Variants in ANKRD52 observed in about 807,000 individuals in gnomAD.
ANKRD52 encodes ankyrin repeat domain 52.
A neutral mutation model predicts 116.0 loss-of-function variants in ANKRD52; 7 were observed. The observed-to-expected ratio is 0.06, with a 90% CI of 0.03 to 0.11. The LOEUF is 0.11. ANKRD52 is among the 10% of genes least tolerant of loss of function. The pLI, the probability that ANKRD52 is intolerant of heterozygous loss-of-function variation, is 1.00. For synonymous variants in ANKRD52, 528 were observed against 578.1 expected, an observed-to-expected ratio of 0.91 and a Z score of 1.24; for missense variants, 839 against 1,408.6, an observed-to-expected ratio of 0.60 and a Z score of 6.47.
rs1436956919 is a variant in ANKRD52 at position 56,245,164 on chromosome 12, G to A, written c.2431C>T (p.Leu811Phe). The change falls in exon 22 of 28, where the codon CTT becomes TTT. Residue 811 changes from leucine to phenylalanine, a missense_variant. By Grantham distance (22) the Leu-to-Phe change is conservative (BLOSUM62 0). Coordinates refer to ENST00000267116, the MANE Select transcript of ANKRD52 (RefSeq NM_173595.4). Reference sequence around the variant, plus strand: ...AGGTACGAAAACGGGCTGTGTTCAAGTAACAACTCCAGACAATCTTCATGT... The same window carrying A: ...AGGTACGAAAACGGGCTGTGTTCAAATAACAACTCCAGACAATCTTCATGT... ...TGHEDCLELL[L>F]EHSPFSYLEG... 1.2e-6 allele frequency: 2 copies of A among 1,613,828 alleles called. No homozygotes were observed. The highest frequency in any genetic ancestry group is 2.7e-5 in the African/African-American group (2 of 74,922).
At chr12:56,249,001 A>T (rs1040517477) in intron 15 of ANKRD52, 131 bp from the exon 16 acceptor site, 1 of 597,700 alleles carries the variant, frequency 1.7e-6, no homozygotes, top group African/African-American at 1.9e-5. Flanking sequence ...AGCTCTAGGT[A>T]GGTTCTCTAA....
chr12:56,246,296 C>T (rs1871397220), intron 20 of ANKRD52, among the ~76,000 whole-genome samples: 2 of 152,174 alleles, frequency 1.3e-5, no homozygotes, highest in Non-Finnish European at 2.9e-5. Context: ...TTCCAAAGTG[C>T]TGGGATTACA....
rs1293785493 is a variant in ANKRD52 at position 56,254,775 on chromosome 12, C to T, written c.551-55G>A. The T allele has an allele frequency of 1.3e-6, 2 of 1,599,776 alleles. No individual in the cohort carries two copies. Among genetic ancestry groups the T allele is most frequent in the Non-Finnish European group, 1.7e-6 (2 of 1,168,104 alleles). ...GTAGAAGGTAAACTCTAAGACCCTA[C>T]ACTCCTCTCTTCAAAGGCTGCAACC... is the stretch of plus-strand genomic sequence containing the variant. On this transcript the variant is annotated intron_variant, in intron 6 of 27. Transcript: ENST00000267116. The surrounding 1 kb of genome is among the most constrained non-coding windows in gnomAD (Gnocchi z 4.6).
At chr12:56,246,974 A>C (rs934238575) in intron 20 of ANKRD52, among the ~76,000 whole-genome samples, 10 of 143,802 alleles carry the variant, frequency 7.0e-5, no homozygotes, top group South Asian at 4.4e-4. Flanking sequence ...TAATAATAAT[A>C]AACAAAGCAC....
At chr12:56,256,527 G>C (rs932578617) in intron 4 of ANKRD52, among the ~76,000 whole-genome samples, 13 of 152,228 alleles carry the variant, frequency 8.5e-5, no homozygotes, top group Admixed American at 6.5e-5. Flanking sequence ...GCTGGAGCCA[G>C]GGAAGTGATG....
In ANKRD52 at chr12:56,244,311, C is replaced by T. The variant is rs1375001926; in HGVS notation, c.2805+42G>A. On this transcript the variant is annotated intron_variant, in intron 25 of 27. Coordinates refer to ENST00000267116, the MANE Select transcript of ANKRD52 (RefSeq NM_173595.4). The surrounding 1 kb of genome is among the most constrained non-coding windows in gnomAD (Gnocchi z 4.9). Reference sequence around the variant, plus strand: ...CCGAGACTTACCTCTCTTCATCAAGCTCTGCCCCTTATGCAGTCCCCCAAT... The same window carrying T: ...CCGAGACTTACCTCTCTTCATCAAGTTCTGCCCCTTATGCAGTCCCCCAAT... 2 of 1,602,272 alleles carry T rather than the reference C, an allele frequency of 1.2e-6. No individual in the cohort carries two copies. The highest frequency in any genetic ancestry group is 1.1e-5 in the South Asian group (1 of 90,720).
At position 56,241,740 on chromosome 12, in the gene ANKRD52, C is replaced by T. The variant is rs538815740; in HGVS notation, c.*1402G>A. On this transcript the variant is annotated 3_prime_UTR_variant, in exon 28 of 28. Transcript: ENST00000267116. ...GGAGTGGGTCCAACTGTCCAGGAGG[C>T]TGCACTAGGAGATGGGTGGACAGAG... The T allele has an allele frequency of 2.8e-4, 102 of 362,714 alleles. No homozygotes were observed. The highest frequency in any genetic ancestry group is 4.4e-4 in the Non-Finnish European group (90 of 203,776). The allele number at this position is 362,714 out of a possible 1,614,324, so 22.5% of individuals were successfully genotyped here.
At position 56,244,395 on chromosome 12, in the gene ANKRD52, C is replaced by T; in HGVS notation, c.2763G>A (p.Leu921=). The T allele has an allele frequency of 6.2e-7, 1 of 1,613,966 alleles. No homozygotes were observed. The highest frequency in any genetic ancestry group is 8.5e-7 in the Non-Finnish European group (1 of 1,179,884). The change falls in exon 25 of 28, where the codon TTG becomes TTA. Residue 921 remains leucine, a synonymous_variant. Coordinates refer to ENST00000267116, the MANE Select transcript of ANKRD52 (RefSeq NM_173595.4). This position sits in a 1 kb window ranked among gnomAD's most constrained non-coding sequence, Gnocchi z 4.9. ...LYRGKADLTV[L]DENKNTALHL... ...GGAGGGCCGTGTTCTTGTTCTCATC[C>T]AACACAGTAAGGTCTGCCTTCCCTC...
At chr12:56,245,741 G>T (rs1871369637) in intron 20 of ANKRD52, 145 bp from the exon 21 acceptor site, 2 of 722,374 alleles carry the variant, frequency 2.8e-6, no homozygotes, top group Admixed American at 3.4e-5. Context: ...TGGAGTCGGA[G>T]TCTTGCTCTG....
Position 56,255,051 on chromosome 12 carries a change from T to G in ANKRD52, c.463-99A>C. On this transcript the variant is annotated intron_variant, in intron 5 of 27. Transcript: ENST00000267116. The surrounding 1 kb of genome is among the most constrained non-coding windows in gnomAD (Gnocchi z 4.3). ...ATCTCCTGAAAAGGCTGAGGCAGCC[T>G]AATGCCTTTTTCCATGAGCAAAACA... 1 of 1,277,276 alleles carries G rather than the reference T, an allele frequency of 7.8e-7. No individual in the cohort carries two copies. The highest frequency in any genetic ancestry group is 1.1e-6 in the Non-Finnish European group (1 of 897,826). The allele number at this position is 1,277,276 out of a possible 1,614,324, so 79.1% of individuals were successfully genotyped here.
Position 56,255,861 on chromosome 12 carries a change from G to A in ANKRD52, c.385C>T (p.Leu129=). 1 of 1,576,716 alleles carries A rather than the reference G, an allele frequency of 6.3e-7. No homozygotes were observed. Among genetic ancestry groups the A allele is most frequent in the Admixed American group, 1.8e-5 (1 of 54,762 alleles). The change falls in exon 5 of 28, where the codon CTG becomes TTG. Residue 129 remains leucine (L), a synonymous_variant. Coordinates refer to ENST00000267116, the MANE Select transcript of ANKRD52 (RefSeq NM_173595.4). The surrounding 1 kb of genome is among the most constrained non-coding windows in gnomAD (Gnocchi z 4.3). ...TCAGCCACGTTGAGGCTGCTCAACAGGGGTGCCAGAGCCTCAGCACACTTG... is the reference window on the plus strand; with the variant it reads ...TCAGCCACGTTGAGGCTGCTCAACAAGGGTGCCAGAGCCTCAGCACACTTG... ...ATKCAEALAP[L]LSSLNVADRS... is the part of the protein sequence containing the mutation.
At chr12:56,250,256 G>A (rs1871623255) in intron 15 of ANKRD52, among the ~76,000 whole-genome samples, 2 of 151,492 alleles carry the variant, frequency 1.3e-5, no homozygotes. Flanking sequence ...ATAGAGATGA[G>A]TTCTCATTAT....
In ANKRD52 at chr12:56,254,316, T is replaced by C. The variant is rs1276665128; in HGVS notation, c.694-37A>G. 3 of 1,595,032 alleles carry C rather than the reference T, an allele frequency of 1.9e-6. No individual in the cohort carries two copies. The highest frequency in any genetic ancestry group is 1.3e-5 in the African/African-American group (1 of 74,552). Reference sequence around the variant, plus strand: ...GGGGTGAGAGTAAGGTGGTATCAGTTTAAACAAAGTAGAAGCCAGCACATG... The same window carrying C: ...GGGGTGAGAGTAAGGTGGTATCAGTCTAAACAAAGTAGAAGCCAGCACATG... On this transcript the variant is annotated intron_variant, in intron 7 of 27. Transcript: ENST00000267116. This position sits in a 1 kb window ranked among gnomAD's most constrained non-coding sequence, Gnocchi z 4.6.
intron 15 of ANKRD52, 114 bp downstream of exon 15, chr12:56,251,901 C>G (rs529994387): frequency 3.2e-4 from 376 of 1,180,710 alleles, no homozygotes; most frequent in Admixed American, 4.1e-4. Flanking sequence ...TGCTGGCTGA[C>G]CGGCAGGACA....
chr12:56,256,247 G>A (rs1364154549), intron 4 of ANKRD52, among the ~76,000 whole-genome samples: 1 of 152,150 alleles, frequency 6.6e-6, no homozygotes, highest in African/African-American at 2.4e-5. Context: ...CTTAGACCCT[G>A]AAAATCTTCA....
Position 56,244,440 on chromosome 12 carries a change from G to A in ANKRD52, c.2723-5C>T, listed in dbSNP as rs762230860. The A allele has an allele frequency of 7.4e-6, 12 of 1,613,682 alleles. No individual in the cohort carries two copies. The highest frequency in any genetic ancestry group is 4.5e-5 in the East Asian group (2 of 44,886). On this transcript the variant is annotated splice_polypyrimidine_tract_variant and splice_region_variant and intron_variant, in intron 24 of 27. Transcript: ENST00000267116. The surrounding 1 kb of genome is among the most constrained non-coding windows in gnomAD (Gnocchi z 4.9). Reference sequence around the variant, plus strand: ...TCCCTCGATACAGCAGAAATTCTACGAGAGAAATGTGATAGAGGGACTGAC... The same window carrying A: ...TCCCTCGATACAGCAGAAATTCTACAAGAGAAATGTGATAGAGGGACTGAC...
chr12:56,248,071 C>A lies in ANKRD52; in HGVS notation c.1930G>T (p.Ala644Ser). The A allele has an allele frequency of 6.2e-7, 1 of 1,611,362 alleles. No individual in the cohort carries two copies. The highest frequency in any genetic ancestry group is 8.5e-7 in the Non-Finnish European group (1 of 1,179,848). The change falls in exon 18 of 28, where the codon GCC (alanine) becomes TCC (serine). Residue 644 changes from alanine to serine, a missense_variant. Coordinates refer to ENST00000267116, the MANE Select transcript of ANKRD52 (RefSeq NM_173595.4). The surrounding 1 kb of genome is among the most constrained non-coding windows in gnomAD (Gnocchi z 5.1). Reference protein sequence around the residue: ...VEVLTAHGASALIKERKRKWT... With the variant: ...VEVLTAHGASSLIKERKRKWT... Reference sequence around the variant, plus strand: ...TTGCGCTTGCGCTCCTTGATGAGGGCAGAGGCGCCGTGGGCTGTAAGCACC... The same window carrying A: ...TTGCGCTTGCGCTCCTTGATGAGGGAAGAGGCGCCGTGGGCTGTAAGCACC...
intron 20 of ANKRD52, 142 bp downstream of exon 20, chr12:56,247,346 CAAAAA>C (rs1007977970): frequency 1.5e-3 from 724 of 487,602 alleles, no homozygotes; most frequent in South Asian, 1.7e-3. Context: ...GACCCTGTCT[CAAAAA>C]AAAAAAAAAA....
Position 56,254,154 on chromosome 12 carries a change from G to A in ANKRD52, c.819C>T (p.Phe273=). The change falls in exon 8 of 28, where the codon TTC becomes TTT. Residue 273 remains phenylalanine, a synonymous_variant. Transcript: ENST00000267116. This position sits in a 1 kb window ranked among gnomAD's most constrained non-coding sequence, Gnocchi z 4.6. The part of the protein sequence containing the change: ...ANVNQPNDKG[F]TPLHVAAVST... ...AGACTGCAGCCACATGCAGTGGCGT[G>A]AAGCCCTTGTCATTCGGCTGGTTGA... 6.2e-7 allele frequency: 1 copy of A among 1,613,936 alleles called. No individual in the cohort carries two copies. Among genetic ancestry groups the A allele is most frequent in the Non-Finnish European group, 8.5e-7 (1 of 1,179,860 alleles).
Sources: gnomAD v4.1 joint callset for allele counts (sites outside exome capture counted in the v4.1 genomes callset) on GRCh38, gnomAD v4.1.1 for gene constraint, Gnocchi (gnomAD v3.1) non-coding constraint, MANE v1.5 for transcripts, NCBI Gene and HGNC (gene_info 2026-07-23, HGNC 2026-07-21) for gene names.